The following MROH7 variants were observed in gnomAD, a reference collection of about 807,000 sequenced individuals.
MROH7 encodes the protein maestro heat-like repeat-containing protein family member 7.
Under a neutral mutation model 129.2 loss-of-function variants are expected in MROH7, and 113 were observed. The ratio of observed to expected loss-of-function variants is 0.87; its 90% confidence interval spans 0.75 to 1.02. The LOEUF is 1.02. MROH7 is among the 50% of genes least tolerant of loss of function. MROH7 has a pLI of 0.00. For missense variants in MROH7, 1,601 were observed against 1,671.3 expected (o/e 0.96, Z 0.73); for synonymous variants, 655 against 667.9 (o/e 0.98, Z 0.30).
intron 3 of MROH7, among the ~76,000 whole-genome samples, chr1:54,660,875 G>A (rs189576194): frequency 6.6e-6 from 1 of 152,180 alleles, no homozygotes; most frequent in African/African-American, 2.4e-5. Flanking sequence ...CATTCTAGGG[G>A]ATTTCTGTCT....
Position 54,686,335 on chromosome 1 carries a change from C to T in MROH7, c.2598C>T (p.Leu866=). 6.2e-7 allele frequency: 1 copy of T among 1,614,182 alleles called. No individual in the cohort carries two copies. Among genetic ancestry groups the T allele is most frequent in the Non-Finnish European group, 8.5e-7 (1 of 1,180,022 alleles). ...GRVRRIYPQL[L]LALLIQVHYH... is the part of the protein sequence containing the mutation. ...TGAGGCGCATCTACCCTCAGCTGCT[C>T]CTGGCCCTGCTCATTCAGGTCCATT... Residue 866 remains leucine (L), a synonymous_variant, in exon 15 of 24, where the codon CTC becomes CTT. Coordinates refer to ENST00000421030, the MANE Select transcript of MROH7 (RefSeq NM_001039464.4).
intron 3 of MROH7, 44 bp from the exon 4 acceptor site, chr1:54,665,123 C>T (rs534581167): frequency 2.7e-6 from 4 of 1,492,160 alleles, no homozygotes; most frequent in South Asian, 2.3e-5. Flanking sequence ...ATCCTAGGTA[C>T]ATCACAGCTT....
chr1:54,680,813 G>T (rs1645057848), intron 13 of MROH7, among the ~76,000 whole-genome samples: 1 of 152,236 alleles, frequency 6.6e-6, no homozygotes, highest in Non-Finnish European at 1.5e-5. Context: ...TGCAAATGGG[G>T]TGTGCTCCAA....
chr1:54,669,029 T>C, intron 5 of MROH7, 92 bp downstream of exon 5: 2 of 925,156 alleles, frequency 2.2e-6, no homozygotes, highest in South Asian at 3.0e-5. Flanking sequence ...GGGTGGGAGG[T>C]TGAGGTAGGA....
intron 3 of MROH7, among the ~76,000 whole-genome samples, chr1:54,655,180 AATTTTT>A (rs1347958129): frequency 1.3e-5 from 2 of 151,198 alleles, no homozygotes; most frequent in African/African-American, 4.9e-5. Flanking sequence ...ACGCCCAGCT[AATTTTT>A]GTATTGTTAG....
intron 12 of MROH7, 86 bp from the exon 13 acceptor site, chr1:54,679,805 C>T: frequency 7.5e-7 from 1 of 1,338,226 alleles, no homozygotes; most frequent in East Asian, 2.3e-5. Flanking sequence ...AGCCTGTCAC[C>T]CCCTTCCCTC....
In MROH7 at chr1:54,710,117, C is replaced by T; in HGVS notation, c.3902C>T (p.Pro1301Leu). 3.7e-6 allele frequency: 6 copies of T among 1,613,898 alleles called. No individual in the cohort carries two copies. Among genetic ancestry groups the T allele is most frequent in the Non-Finnish European group, 5.1e-6 (6 of 1,179,996 alleles). Residue 1301 changes from proline (P) to leucine (L), a missense_variant, in exon 24 of 24, where the codon CCC becomes CTC. Transcript: ENST00000421030. ...HRWSPSCENLPTSHQRRSWIM... is the reference protein window; with the variant it reads ...HRWSPSCENLLTSHQRRSWIM... ...TGGAGCCCCAGCTGTGAGAACCTGC[C>T]CACTTCCCACCAGCGGCGCTCCTGG...
chr1:54,650,160 A>G (rs527299536), intron 1 of MROH7, among the ~76,000 whole-genome samples: 1 of 152,318 alleles, frequency 6.6e-6, no homozygotes, highest in South Asian at 2.1e-4. Context: ...ACTCCATGCC[A>G]GGCACTGTAA....
chr1:54,692,884 T>TG (rs1645262105), intron 16 of MROH7, among the ~76,000 whole-genome samples: 1 of 152,208 alleles, frequency 6.6e-6, no homozygotes, highest in African/African-American at 2.4e-5. Flanking sequence ...GGTGTGGCCT[T>TG]GGAGATGGCC....
intron 12 of MROH7, 63 bp downstream of exon 12, chr1:54,679,502 T>G: frequency 6.5e-7 from 1 of 1,530,770 alleles, no homozygotes; most frequent in South Asian, 1.2e-5. Context: ...CCCCATGGCC[T>G]GCTCATCACT....
chr1:54,683,181 A>G (rs1645097955), intron 14 of MROH7, among the ~76,000 whole-genome samples: 1 of 152,156 alleles, frequency 6.6e-6, no homozygotes, highest in Non-Finnish European at 1.5e-5. Context: ...TATTTTTTTA[A>G]AAAAATCCTA....
chr1:54,673,841 G>A (rs776556336), intron 9 of MROH7, 36 bp downstream of exon 9: 2 of 1,582,410 alleles, frequency 1.3e-6, no homozygotes, highest in African/African-American at 1.3e-5. Context: ...CACTCTTAGG[G>A]AAAATCTTCC....
chr1:54,696,711 G>A (rs1645329891), intron 17 of MROH7, among the ~76,000 whole-genome samples: 1 of 96,408 alleles, frequency 1.0e-5, no homozygotes. Flanking sequence ...TTTCTCTGTT[G>A]CCCAGGTTGG....
At chr1:54,681,015 C>T (rs1442683644) in intron 13 of MROH7, among the ~76,000 whole-genome samples, 5 of 152,104 alleles carry the variant, frequency 3.3e-5, no homozygotes, top group African/African-American at 7.2e-5. Context: ...ATCTGACATC[C>T]GTCACACAGG....
At chr1:54,656,509 C>CAAAAA (rs33918860) in intron 3 of MROH7, among the ~76,000 whole-genome samples, 2 of 80,590 alleles carry the variant, frequency 2.5e-5, no homozygotes, top group African/African-American at 9.7e-5. Flanking sequence ...GACTCCATCT[C>CAAAAA]AAAAAAAAAA....
intron 10 of MROH7, among the ~76,000 whole-genome samples, chr1:54,676,420 TA>T (rs1270895250): frequency 1.3e-5 from 2 of 151,986 alleles, no homozygotes; most frequent in Admixed American, 1.3e-4. Flanking sequence ...TTATTACTAT[TA>T]TTTTTTGAGA....
chr1:54,670,935 G>A lies in MROH7; in HGVS notation c.1599+6G>A. ...CCAAGGCTGAGACCATCCAGGTGAG[G>A]CGGGACCTTCCCAGCAGGGCCTCAG... On this transcript the variant is annotated splice_donor_region_variant and intron_variant, in intron 7 of 23. Coordinates refer to ENST00000421030, the MANE Select transcript of MROH7 (RefSeq NM_001039464.4). 1 of 1,595,282 alleles carries A rather than the reference G, an allele frequency of 6.3e-7. No individual in the cohort carries two copies. The highest frequency in any genetic ancestry group is 8.5e-7 in the Non-Finnish European group (1 of 1,171,430).
intron 14 of MROH7, 62 bp downstream of exon 14, chr1:54,682,856 C>G: frequency 6.4e-7 from 1 of 1,570,070 alleles, no homozygotes; most frequent in Admixed American, 1.8e-5. Flanking sequence ...CTCCTTCCCT[C>G]CTGCTGAGCT....
rs376518727 is a variant in MROH7 at position 54,654,153 on chromosome 1, T to C, written c.1227T>C (p.Pro409=). 57 of 1,606,736 alleles carry C rather than the reference T, an allele frequency of 3.5e-5. No individual in the cohort carries two copies. The highest frequency in any genetic ancestry group is 4.4e-5 in the Non-Finnish European group (52 of 1,176,574). ...ACGCCGTGACCTTGCAAGGCATCCCTGAGGGTAAGGCCAGGGCCGCAGCCC... is the reference window on the plus strand; with the variant it reads ...ACGCCGTGACCTTGCAAGGCATCCCCGAGGGTAAGGCCAGGGCCGCAGCCC... ...GKDAVTLQGI[P]EGAFDEVTSC... The change falls in exon 3 of 24, where the codon CCT becomes CCC. Residue 409 remains proline (P), a synonymous_variant. Transcript: ENST00000421030.
Sources: gnomAD v4.1 joint callset for allele counts (sites outside exome capture counted in the v4.1 genomes callset) on GRCh38, gnomAD v4.1.1 for gene constraint, MANE v1.5 for transcripts, NCBI Gene and HGNC (gene_info 2026-07-23, HGNC 2026-07-21) for gene names.